Variants in SRRM4 observed in about 807,000 individuals in gnomAD.
The protein encoded by SRRM4 is serine/arginine repetitive matrix 4.
Under a neutral mutation model 68.9 loss-of-function variants are expected in SRRM4, and 33 were observed. That is an observed-to-expected ratio of 0.48 (90% confidence interval 0.36 to 0.64). The LOEUF (loss-of-function observed/expected upper bound fraction) is 0.64, where lower values mean the gene tolerates loss of function less well. Ranked by LOEUF, SRRM4 falls within the 30% of genes least tolerant of loss-of-function variation. The pLI is 0.00. For synonymous variants in SRRM4, 318 were observed against 318.8 expected, an observed-to-expected ratio of 1.00 and a Z score of 0.03; for missense variants, 817 against 827.1, an observed-to-expected ratio of 0.99 and a Z score of 0.15.
intron 1 of SRRM4, among the ~76,000 whole-genome samples, chr12:119,014,182 C>A (rs556708914): frequency 1.3e-5 from 2 of 152,042 alleles, no homozygotes; most frequent in Admixed American, 6.5e-5. Flanking sequence ...GTCTTTCATC[C>A]GTTTAATAGA....
At chr12:119,015,435 C>T (rs1953475239) in intron 1 of SRRM4, among the ~76,000 whole-genome samples, 1 of 152,172 alleles carries the variant, frequency 6.6e-6, no homozygotes, top group African/African-American at 2.4e-5. Context: ...AGTTCCATAT[C>T]ACTCCTCTGC....
Position 119,073,453 on chromosome 12 carries a change from G to A in SRRM4, c.132-28783G>A, listed in dbSNP as rs1364749310. Among the ~76,000 whole-genome samples, 2 of 151,960 alleles carry A rather than the reference G, an allele frequency of 1.3e-5. 1 individual carries two copies. The highest frequency in any genetic ancestry group is 1.3e-4 in the Admixed American group (2 of 15,250). ...AGCGATTCTTCTTTCTGAGCCTCCC[G>A]AGTAGCTGAGATTACAGGCACCTGC... On this transcript the variant is annotated intron_variant, in intron 1 of 12. Transcript: ENST00000267260.
chr12:119,006,520 C>CAT (rs1360096648), intron 1 of SRRM4, among the ~76,000 whole-genome samples: 1 of 152,198 alleles, frequency 6.6e-6, no homozygotes, highest in Non-Finnish European at 1.5e-5. Flanking sequence ...CCCGACTCCC[C>CAT]ATTCCACCCC....
Position 119,145,633 on chromosome 12 carries a change from A to C in SRRM4, c.1024A>C (p.Lys342Gln). The change falls in exon 9 of 13, where the codon AAG becomes CAG. Residue 342 changes from lysine (K) to glutamine (Q), a missense_variant. Transcript: ENST00000267260. The part of the protein sequence containing the change: ...NSFTTSSPQN[K>Q]GAMLENLSPT... ...CTTCACCACCTCCTCACCCCAGAAC[A>C]AGGGGGCCATGTTGGAGAATCTCTC... 1 of 1,538,510 alleles carries C rather than the reference A, an allele frequency of 6.5e-7. No homozygotes were observed. The highest frequency in any genetic ancestry group is 8.7e-7 in the Non-Finnish European group (1 of 1,144,362).
chr12:119,024,797 G>A (rs1167690602), intron 1 of SRRM4, among the ~76,000 whole-genome samples: 1 of 152,096 alleles, frequency 6.6e-6, no homozygotes, highest in East Asian at 1.9e-4. Flanking sequence ...TGCTGGGAGT[G>A]AGTGTAACAT....
intron 1 of SRRM4, among the ~76,000 whole-genome samples, chr12:119,088,682 G>A (rs549412321): frequency 1.3e-5 from 2 of 150,830 alleles, no homozygotes; most frequent in South Asian, 4.3e-4. Context: ...CGTGGGGGTG[G>A]GTAATAAGTG....
intron 1 of SRRM4, among the ~76,000 whole-genome samples, chr12:118,996,519 A>G (rs571316550): frequency 1.1e-3 from 167 of 152,350 alleles, no homozygotes; most frequent in African/African-American, 3.6e-3. Context: ...ATAGTATCAA[A>G]AAGAAAATTA....
intron 1 of SRRM4, among the ~76,000 whole-genome samples, chr12:119,050,365 A>T (rs190062338): frequency 1.3e-5 from 2 of 152,232 alleles, no homozygotes; most frequent in African/African-American, 2.4e-5. Flanking sequence ...TCTAGTGATG[A>T]TAATGATGAA....
intron 1 of SRRM4, among the ~76,000 whole-genome samples, chr12:119,078,392 G>T (rs916228520): frequency 2.6e-5 from 4 of 152,194 alleles, no homozygotes; most frequent in African/African-American, 9.7e-5. Context: ...GGGGCAGGAT[G>T]TCTGAATGAC....
chr12:119,014,551 C>T lies in SRRM4; in HGVS notation c.131+32538C>T, dbSNP rs1023447251. Among the ~76,000 whole-genome samples, 119 of 152,152 alleles carry T rather than the reference C, an allele frequency of 7.8e-4. 1 individual carries two copies. The highest frequency in any genetic ancestry group is 4.6e-4 in the Admixed American group (7 of 15,268). On this transcript the variant is annotated intron_variant, in intron 1 of 12. Coordinates refer to ENST00000267260, the MANE Select transcript of SRRM4 (RefSeq NM_194286.4). ...GTCTGCAAGGAGGCTTGGGCTATTT[C>T]CCAGATCCAAGCTGCAGTTGGCAAC...
intron 1 of SRRM4, among the ~76,000 whole-genome samples, chr12:119,058,312 G>A (rs1221984607): frequency 1.3e-5 from 2 of 152,156 alleles, no homozygotes; most frequent in African/African-American, 4.8e-5. Context: ...TTAACAAATA[G>A]TAAAGATTAA....
rs769390400 is a variant in SRRM4 at position 118,981,853 on chromosome 12, C to T, written c.-30C>T. On this transcript the variant is annotated 5_prime_UTR_variant, in exon 1 of 13. Coordinates refer to ENST00000267260, the MANE Select transcript of SRRM4 (RefSeq NM_194286.4). ...CACGTTTCAGCACTTTGGACAGCGC[C>T]CCGGACGCCCCGGCCCCTTTGGGTT... is the stretch of plus-strand genomic sequence containing the variant. 4 of 1,606,932 alleles carry T rather than the reference C, an allele frequency of 2.5e-6. No homozygotes were observed. The Admixed American group carries it at 5.1e-5, about 20-fold the overall frequency.
intron 1 of SRRM4, among the ~76,000 whole-genome samples, chr12:119,035,335 T>C (rs1594036967): frequency 6.6e-6 from 1 of 152,222 alleles, no homozygotes; most frequent in African/African-American, 2.4e-5. Context: ...TTCTTTGTTA[T>C]TGAAACTGGA....
chr12:119,025,262 G>T, intron 1 of SRRM4, among the ~76,000 whole-genome samples: 1 of 151,974 alleles, frequency 6.6e-6, no homozygotes, highest in East Asian at 1.9e-4. Context: ...GCAAACACCA[G>T]TATGTAAGGG....
At position 119,040,099 on chromosome 12, in the gene SRRM4, G is replaced by A. The variant is rs1394209649; in HGVS notation, c.131+58086G>A. ...AGAAGTCACCTCCCCTAAGGGACAA[G>A]ACATGTATGTGAGGAAAGGAGAAAA... On this transcript the variant is annotated intron_variant, in intron 1 of 12. Transcript: ENST00000267260. Among the ~76,000 whole-genome samples, 3 of 151,994 alleles carry A rather than the reference G, an allele frequency of 2.0e-5. No individual in the cohort carries two copies. The East Asian group carries it at 5.8e-4, about 29-fold the overall frequency.
At chr12:119,025,711 T>C (rs1468486944) in intron 1 of SRRM4, among the ~76,000 whole-genome samples, 1 of 152,000 alleles carries the variant, frequency 6.6e-6, no homozygotes, top group Non-Finnish European at 1.5e-5. Flanking sequence ...CCCAAAGTGC[T>C]GGGATCACAG....
intron 1 of SRRM4, among the ~76,000 whole-genome samples, chr12:119,066,068 T>G (rs1412793680): frequency 6.6e-6 from 1 of 152,220 alleles, no homozygotes; most frequent in African/African-American, 2.4e-5. Context: ...TTTATTATTA[T>G]TCACCAATAT....
intron 1 of SRRM4, chr12:118,990,100 A>G (rs1324300697): frequency 6.6e-6 from 1 of 152,184 alleles, no homozygotes; most frequent in East Asian, 1.9e-4. Flanking sequence ...TCCAGAAGAG[A>G]GGTGTCTTCA....
chr12:119,068,535 C>T (rs1233320143), intron 1 of SRRM4, among the ~76,000 whole-genome samples: 1 of 152,190 alleles, frequency 6.6e-6, no homozygotes, highest in Non-Finnish European at 1.5e-5. Context: ...ATCCAAACTC[C>T]ACTTTCTTCT....
Sources: allele counts gnomAD v4.1 joint callset (sites outside exome capture counted in the v4.1 genomes callset), GRCh38; gene constraint gnomAD v4.1.1; transcripts MANE v1.5; gene names NCBI Gene and HGNC (gene_info 2026-07-23, HGNC 2026-07-21).